SEMA5A: variants seen among roughly 807,000 people sequenced by gnomAD.
SEMA5A encodes the protein semaphorin-5A.
Under a neutral mutation model 135.5 loss-of-function variants are expected in SEMA5A, and 55 were observed. The ratio of observed to expected loss-of-function variants is 0.41; its 90% CI spans 0.33 to 0.51. SEMA5A has a LOEUF of 0.51. Ranked by LOEUF, SEMA5A falls within the 20% of genes least tolerant of loss-of-function variation. The pLI is 0.37. For missense variants in SEMA5A, 1,290 were observed against 1,419.9 expected (o/e 0.91, Z 1.47); for synonymous variants, 580 against 546.5 (o/e 1.06, Z -0.85).
chr5:9,096,956 T>C (rs253642), intron 16 of SEMA5A, among the ~76,000 whole-genome samples: 6,200 of 152,170 alleles, frequency 0.041, 455 homozygotes, highest in African/African-American at 0.14. Flanking sequence ...CTTTTCATCA[T>C]AGAGAGGAAA....
chr5:9,385,447 G>T lies in SEMA5A; in HGVS notation c.-77-5424C>A, dbSNP rs73052672. 1.0e-2 allele frequency among the ~76,000 whole-genome samples: 1,518 copies of T among 152,292 alleles called. 38 individuals are homozygous for T. The highest frequency in any genetic ancestry group is 0.034 in the African/African-American group (1,394 of 41,552). ...TTAATGTACTTTTCAGAGGAGGCTG[G>T]GTTTCTTCTGAGCTATAGGCCTATC... On this transcript the variant is annotated intron_variant, in intron 2 of 22. Coordinates refer to ENST00000382496, the MANE Select transcript of SEMA5A (RefSeq NM_003966.3).
In SEMA5A at chr5:9,379,809, T is replaced by A. The variant is rs566574082; in HGVS notation, c.124+14A>T. On this transcript the variant is annotated intron_variant, in intron 3 of 22. Transcript: ENST00000382496. ...AGATGACGGCTTTGCAATCAGTGCG[T>A]GCTGGTTCCTTACCTTTATAGGAGA... 1 of 1,613,238 alleles carries A rather than the reference T, an allele frequency of 6.2e-7. No individual in the cohort carries two copies. Among genetic ancestry groups the A allele is most frequent in the South Asian group, 1.1e-5 (1 of 91,020 alleles).
At chr5:9,181,833 G>A (rs764035006) in intron 11 of SEMA5A, among the ~76,000 whole-genome samples, 3 of 152,028 alleles carry the variant, frequency 2.0e-5, no homozygotes, top group Non-Finnish European at 2.9e-5. Flanking sequence ...AACCCCGCAT[G>A]GTACTCGATT....
At chr5:9,371,706 T>C (rs139330577) in intron 3 of SEMA5A, among the ~76,000 whole-genome samples, 1 of 152,222 alleles carries the variant, frequency 6.6e-6, no homozygotes, top group Non-Finnish European at 1.5e-5. Flanking sequence ...TCCAGTCATA[T>C]GCATGATAAT....
rs1008726721 is a variant in SEMA5A at position 9,481,946 on chromosome 5, C to T, written c.-174-44094G>A. On this transcript the variant is annotated intron_variant, in intron 1 of 22. Coordinates refer to ENST00000382496, the MANE Select transcript of SEMA5A (RefSeq NM_003966.3). ...GGATCAGTCAGATCCCCAATGAGAG[C>T]ACAAAATGGAAATCACATCTCCAAA... Among the ~76,000 whole-genome samples, 12 of 152,302 alleles carry T rather than the reference C, an allele frequency of 7.9e-5. No individual in the cohort carries two copies. In the South Asian group the frequency reaches 1.4e-3, roughly 18 times the overall value.
In SEMA5A at chr5:9,225,122, C is replaced by G. The variant is rs541855999; in HGVS notation, c.433-235G>C. 6.6e-5 allele frequency among the ~76,000 whole-genome samples: 10 copies of G among 152,068 alleles called. No individual in the cohort carries two copies. In the South Asian group the frequency reaches 1.0e-3, roughly 16 times the overall value. ...CACTTTAGAGTTACTGAACCTTGTA[C>G]CACTGAATACTCACAAAATAAGAAA... On this transcript the variant is annotated intron_variant, in intron 7 of 22. Coordinates refer to ENST00000382496, the MANE Select transcript of SEMA5A (RefSeq NM_003966.3).
intron 16 of SEMA5A, among the ~76,000 whole-genome samples, chr5:9,079,420 A>G (rs1018231173): frequency 1.3e-5 from 2 of 152,158 alleles, no homozygotes; most frequent in African/African-American, 4.8e-5. Flanking sequence ...CAGTGTTTAG[A>G]GGGAAATTTA....
chr5:9,459,440 AAGTGCAGGC>A (rs1378386213), intron 1 of SEMA5A, among the ~76,000 whole-genome samples: 1 of 152,272 alleles, frequency 6.6e-6, no homozygotes, highest in Non-Finnish European at 1.5e-5. Context: ...TACGACAAGG[AAGTGCAGGC>A]AGCCTCTAGA....
chr5:9,334,241 T>G (rs1342945783), intron 4 of SEMA5A, among the ~76,000 whole-genome samples: 1 of 152,232 alleles, frequency 6.6e-6, no homozygotes, highest in Non-Finnish European at 1.5e-5. Context: ...TTATTCTATT[T>G]TTTCACAACT....
chr5:9,200,431 T>A (rs920268402), intron 9 of SEMA5A, among the ~76,000 whole-genome samples: 1 of 152,258 alleles, frequency 6.6e-6, no homozygotes, highest in African/African-American at 2.4e-5. Context: ...TCCTTGTGCA[T>A]AAAACTGATG....
intron 3 of SEMA5A, among the ~76,000 whole-genome samples, chr5:9,353,120 A>AGGAAAG (rs1754230388): frequency 1.5e-5 from 1 of 66,736 alleles, no homozygotes; most frequent in African/African-American, 6.9e-5. Flanking sequence ...AGGAAAGGAA[A>AGGAAAG]GGAAAGGAAA....
intron 16 of SEMA5A, among the ~76,000 whole-genome samples, chr5:9,080,192 T>A (rs562185998): frequency 2.4e-4 from 36 of 152,242 alleles, no homozygotes; most frequent in African/African-American, 8.7e-4. Context: ...ATGTGGCACA[T>A]ATACACCGCG....
At chr5:9,060,174 C>A (rs369019686) in intron 18 of SEMA5A, among the ~76,000 whole-genome samples, 82 of 152,322 alleles carry the variant, frequency 5.4e-4, no homozygotes, top group African/African-American at 1.6e-3. Flanking sequence ...CTGAATAACT[C>A]CACAACACTC....
chr5:9,457,982 A>G (rs1758907439), intron 1 of SEMA5A, among the ~76,000 whole-genome samples: 1 of 130,486 alleles, frequency 7.7e-6, no homozygotes, highest in African/African-American at 3.0e-5. Context: ...ATCTCGGCTC[A>G]CTGCAAGCTC....
At chr5:9,344,406 T>G (rs1043320595) in intron 3 of SEMA5A, among the ~76,000 whole-genome samples, 1 of 152,226 alleles carries the variant, frequency 6.6e-6, no homozygotes, top group Non-Finnish European at 1.5e-5. Context: ...GAATCCTTAC[T>G]GCCTAGTAAC....
intron 5 of SEMA5A, among the ~76,000 whole-genome samples, chr5:9,291,232 A>G (rs1033120541): frequency 3.9e-5 from 6 of 152,170 alleles, no homozygotes; most frequent in African/African-American, 1.4e-4. Flanking sequence ...CAGAGTTTAA[A>G]CAAGTTCTGG....
At chr5:9,092,998 G>A (rs1739118566) in intron 16 of SEMA5A, among the ~76,000 whole-genome samples, 2 of 152,130 alleles carry the variant, frequency 1.3e-5, no homozygotes, top group Admixed American at 1.3e-4. Context: ...AAACAAATTA[G>A]TTCATCTAAT....
At chr5:9,115,286 AAAAG>A (rs1286604067) in intron 15 of SEMA5A, among the ~76,000 whole-genome samples, 3 of 152,224 alleles carry the variant, frequency 2.0e-5, no homozygotes, top group Non-Finnish European at 4.4e-5. Context: ...CTCTTCAAGA[AAAAG>A]AAAGCCTGAC....
intron 2 of SEMA5A, among the ~76,000 whole-genome samples, chr5:9,435,644 C>T (rs1254597657): frequency 2.0e-5 from 3 of 152,168 alleles, no homozygotes. Flanking sequence ...GTGCAAGGAT[C>T]GTGTCAATCA....
Sources: allele counts gnomAD v4.1 joint callset (sites outside exome capture counted in the v4.1 genomes callset), GRCh38; gene constraint gnomAD v4.1.1; transcripts MANE v1.5; gene names NCBI Gene and HGNC (gene_info 2026-07-23, HGNC 2026-07-21).